DAPK1: variants seen among roughly 807,000 people sequenced by gnomAD.
The protein encoded by DAPK1 is death associated protein kinase 1, also known as death-associated protein kinase 1.
In DAPK1, 56 loss-of-function variants were observed where a neutral mutation model predicts 144.9. That is an observed-to-expected ratio of 0.39 (90% CI 0.31 to 0.48). DAPK1 has a LOEUF of 0.48. Among genes scored for constraint, DAPK1 ranks in the 20% least tolerant of loss-of-function variants. DAPK1 has a pLI of 0.95. For missense variants in DAPK1, 1,454 were observed against 1,875.4 expected (o/e 0.78, Z 4.15); for synonymous variants, 690 against 749.0 (o/e 0.92, Z 1.29).
chr9:87,605,126 C>G lies in DAPK1; in HGVS notation c.235C>G (p.Leu79Val). The G allele has an allele frequency of 6.2e-7, 1 of 1,614,208 alleles. No homozygotes were observed. The highest frequency in any genetic ancestry group is 8.5e-7 in the Non-Finnish European group (1 of 1,180,038). The change falls in exon 3 of 26, where the codon CTG (leucine) becomes GTG (valine). Residue 79 changes from leucine to valine, a missense_variant. Physicochemically the swap from Leu to Val is conservative, Grantham distance 32 (BLOSUM62 1). Around this residue, in one of 2 missense-constraint regions of DAPK1, gnomAD observed 429 missense variants for 637.5 expected, o/e 0.67. Transcript: ENST00000408954. ...KEIQHPNVIT[L>V]HEVYENKTDV... ...GATCCAGCACCCCAATGTCATCACC[C>G]TGCACGAGGTCTATGAGAACAAGAC...
intron 21 of DAPK1, among the ~76,000 whole-genome samples, chr9:87,695,923 C>A (rs1433096864): frequency 6.6e-6 from 1 of 152,188 alleles, no homozygotes; most frequent in Non-Finnish European, 1.5e-5. Flanking sequence ...TTGGGAATCA[C>A]AAACCTAATG....
intron 14 of DAPK1, 65 bp downstream of exon 14, chr9:87,647,468 C>A: frequency 7.3e-7 from 1 of 1,369,130 alleles, no homozygotes; most frequent in Non-Finnish European, 1.0e-6. Flanking sequence ...AGTGTGAGTG[C>A]TGGCCTACCG....
chr9:87,587,011 G>A (rs1388294528), intron 2 of DAPK1, among the ~76,000 whole-genome samples: 2 of 152,224 alleles, frequency 1.3e-5, no homozygotes, highest in East Asian at 3.8e-4. Flanking sequence ...GTAGAACACT[G>A]TTCTGTGTTT....
intron 2 of DAPK1, 94 bp downstream of exon 2, chr9:87,499,233 G>A: frequency 1.8e-6 from 2 of 1,124,160 alleles, no homozygotes; most frequent in Non-Finnish European, 2.7e-6. Flanking sequence ...TGAATCAGGC[G>A]TCTCCCTCGC....
At chr9:87,693,646 T>C (rs192093713) in intron 21 of DAPK1, among the ~76,000 whole-genome samples, 2 of 152,176 alleles carry the variant, frequency 1.3e-5, no homozygotes, top group Non-Finnish European at 2.9e-5. Context: ...ATGTTTCTTG[T>C]GTCCTTACAT....
intron 24 of DAPK1, among the ~76,000 whole-genome samples, chr9:87,701,117 C>T (rs1564078147): frequency 6.6e-6 from 1 of 151,972 alleles, no homozygotes; most frequent in Non-Finnish European, 1.5e-5. Flanking sequence ...GGAGGAAAAG[C>T]TTAGAGGGTA....
rs886961625 is a variant in DAPK1, at chr9:87,707,710, A to AT, written c.*354dup. 9 of 423,000 alleles carry AT rather than the reference A, an allele frequency of 2.1e-5. No homozygotes were observed. The highest frequency in any genetic ancestry group is 5.8e-5 in the East Asian group (1 of 17,230). 26.2% of individuals were successfully genotyped at this position (423,000 alleles called of 1,614,324 possible). A position where few individuals can be genotyped will look rare whatever the true frequency, so the allele number is the denominator to read the frequency against. On this transcript the variant is annotated 3_prime_UTR_variant, in exon 26 of 26. Transcript: ENST00000408954. The surrounding 1 kb of genome is among the most constrained non-coding windows in gnomAD (Gnocchi z 4.0). The stretch of plus-strand genomic sequence containing the variant: ...CTGGAATTCCTAACTTTTCAATGAC[A>AT]TTTTTTTTAACTACTATATTGATTG...
chr9:87,659,268 T>TA (rs969118519), intron 18 of DAPK1, among the ~76,000 whole-genome samples: 1 of 152,152 alleles, frequency 6.6e-6, no homozygotes, highest in Admixed American at 6.5e-5. Flanking sequence ...GCCCAGTTAT[T>TA]ACCAGTACTC....
chr9:87,547,578 AGTGTGT>A (rs61564712), intron 2 of DAPK1, among the ~76,000 whole-genome samples: 10 of 58,804 alleles, frequency 1.7e-4, no homozygotes, highest in East Asian at 6.1e-4. Context: ...AGAGAGAGAG[AGTGTGT>A]GTGTGTGTGT....
intron 21 of DAPK1, among the ~76,000 whole-genome samples, chr9:87,694,888 C>A (rs889117841): frequency 1.3e-5 from 2 of 152,162 alleles, no homozygotes; most frequent in African/African-American, 4.8e-5. Context: ...TGCGTGGGAG[C>A]CAGCCTGAGC....
At chr9:87,586,826 A>G (rs557513525) in intron 2 of DAPK1, among the ~76,000 whole-genome samples, 1 of 152,306 alleles carries the variant, frequency 6.6e-6, no homozygotes, top group East Asian at 1.9e-4. Context: ...TTGTTTACCT[A>G]TCTTATTATC....
chr9:87,572,665 T>G (rs2118759375), intron 2 of DAPK1, among the ~76,000 whole-genome samples: 1 of 152,226 alleles, frequency 6.6e-6, no homozygotes, highest in East Asian at 1.9e-4. Flanking sequence ...CTGCTCCTAC[T>G]TCACCATCCA....
chr9:87,533,354 A>G (rs1825755836), intron 2 of DAPK1, among the ~76,000 whole-genome samples: 1 of 152,226 alleles, frequency 6.6e-6, no homozygotes. Context: ...TAACTTTTGC[A>G]ACACATTTAT....
intron 18 of DAPK1, among the ~76,000 whole-genome samples, chr9:87,665,893 A>G (rs1274303508): frequency 6.6e-6 from 1 of 152,212 alleles, no homozygotes; most frequent in African/African-American, 2.4e-5. Flanking sequence ...GATGATGGAC[A>G]GCTGAGTGCT....
chr9:87,576,026 A>G (rs1031245716), intron 2 of DAPK1, among the ~76,000 whole-genome samples: 11 of 152,166 alleles, frequency 7.2e-5, no homozygotes, highest in African/African-American at 1.4e-4. Context: ...CCGTGGTTCA[A>G]TGTTTTGCTT....
chr9:87,612,349 G>C (rs928877621), intron 3 of DAPK1, among the ~76,000 whole-genome samples: 1 of 152,192 alleles, frequency 6.6e-6, no homozygotes, highest in Non-Finnish European at 1.5e-5. Flanking sequence ...AATCTGATAG[G>C]ACTGGTGTCC....
chr9:87,568,151 G>A (rs1458540241), intron 2 of DAPK1, among the ~76,000 whole-genome samples: 1 of 152,212 alleles, frequency 6.6e-6, no homozygotes, highest in South Asian at 2.1e-4. Flanking sequence ...ATAAGGCACC[G>A]GGGAGCTGCG....
intron 1 of DAPK1, chr9:87,498,430 G>T (rs972653051): frequency 6.6e-6 from 2 of 304,686 alleles, no homozygotes; most frequent in Non-Finnish European, 1.2e-5. Context: ...GGGTCGGCCG[G>T]GTAACGGAGA....
intron 2 of DAPK1, among the ~76,000 whole-genome samples, chr9:87,537,217 C>T (rs1825889731): frequency 6.6e-6 from 1 of 152,100 alleles, no homozygotes; most frequent in Non-Finnish European, 1.5e-5. Context: ...CGAACTCCTG[C>T]CCTCGTTATC....
Sources: gnomAD v4.1 joint callset for allele counts (sites outside exome capture counted in the v4.1 genomes callset) on GRCh38, gnomAD v4.1.1 for gene constraint, gnomAD v4.1.1 regional missense constraint, Gnocchi (gnomAD v3.1) non-coding constraint, MANE v1.5 for transcripts, NCBI Gene and HGNC (gene_info 2026-07-23, HGNC 2026-07-21) for gene names.